PPARGC1A: variants seen among roughly 807,000 people sequenced by gnomAD.
PPARGC1A encodes PPARG coactivator 1 alpha.
In PPARGC1A, 25 loss-of-function variants were observed where a neutral mutation model predicts 88.7. The ratio of observed to expected loss-of-function variants is 0.28; its 90% CI spans 0.21 to 0.39. The LOEUF (loss-of-function observed/expected upper bound fraction) is 0.39. Ranked by LOEUF, PPARGC1A falls within the 10% of genes least tolerant of loss-of-function variation. The pLI, the probability that PPARGC1A is intolerant of heterozygous loss-of-function variation, is 1.00. For missense variants in PPARGC1A, 880 were observed against 968.7 expected (o/e 0.91, Z 1.22); for synonymous variants, 363 against 355.6 (o/e 1.02, Z -0.24).
At chr4:23,945,617 C>G in the PPARGC1A span, among the ~76,000 whole-genome samples, 1 of 152,080 alleles carries the variant, frequency 6.6e-6, no homozygotes, top group African/African-American at 2.4e-5. Flanking sequence ...GTTGAGTAAG[C>G]GGGGAGGGTG....
At chr4:24,206,927 T>C in the PPARGC1A span, among the ~76,000 whole-genome samples, 1 of 151,458 alleles carries the variant, frequency 6.6e-6, no homozygotes, top group African/African-American at 2.4e-5. Context: ...TTGATTTTTA[T>C]ATTTTTCTAT....
At chr4:23,996,142 T>G in the PPARGC1A span, among the ~76,000 whole-genome samples, 1 of 152,170 alleles carries the variant, frequency 6.6e-6, no homozygotes. Flanking sequence ...TGGCATCTCC[T>G]ACCTTTGATT....
the PPARGC1A span, among the ~76,000 whole-genome samples, chr4:24,066,772 G>C: frequency 6.6e-6 from 1 of 151,070 alleles, no homozygotes; most frequent in East Asian, 2.0e-4. Context: ...AAATATGAGA[G>C]ATTGAACTAG....
At chr4:23,977,841 AT>A in the PPARGC1A span, among the ~76,000 whole-genome samples, 1 of 152,218 alleles carries the variant, frequency 6.6e-6, no homozygotes, top group Non-Finnish European at 1.5e-5. Context: ...TTTGTCAAAA[AT>A]TTAAAGGTAA....
the PPARGC1A span, among the ~76,000 whole-genome samples, chr4:24,264,285 C>A: frequency 1.3e-5 from 2 of 152,226 alleles, no homozygotes; most frequent in South Asian, 4.2e-4. Flanking sequence ...TATGTGTACA[C>A]ACACATCACA....
At chr4:23,989,567 T>C in the PPARGC1A span, among the ~76,000 whole-genome samples, 2 of 152,050 alleles carry the variant, frequency 1.3e-5, no homozygotes, top group African/African-American at 4.8e-5. Flanking sequence ...TGTAGAAGAA[T>C]GGCATAGCTT....
chr4:23,943,129 T>G, the PPARGC1A span, among the ~76,000 whole-genome samples: 1 of 152,144 alleles, frequency 6.6e-6, no homozygotes, highest in Non-Finnish European at 1.5e-5. Context: ...TGAATTAACT[T>G]TAGTCAACCT....
chr4:24,032,090 G>A, the PPARGC1A span, among the ~76,000 whole-genome samples: 12 of 152,122 alleles, frequency 7.9e-5, no homozygotes, highest in East Asian at 5.8e-4. Flanking sequence ...ATTTAGCAGC[G>A]ATATAGATGC....
At chr4:24,090,082 C>T in the PPARGC1A span, among the ~76,000 whole-genome samples, 3 of 152,174 alleles carry the variant, frequency 2.0e-5, no homozygotes, top group Non-Finnish European at 4.4e-5. Context: ...TCTGAGTCAT[C>T]TCCTCACAGT....
chr4:23,869,307 A>G (rs1712753217), intron 2 of PPARGC1A, among the ~76,000 whole-genome samples: 1 of 152,204 alleles, frequency 6.6e-6, no homozygotes, highest in Non-Finnish European at 1.5e-5. Context: ...GATAAGCATG[A>G]GAGAAAGTAG....
chr4:23,852,629 G>A (rs186939386), intron 2 of PPARGC1A, among the ~76,000 whole-genome samples: 177 of 150,490 alleles, frequency 1.2e-3, no homozygotes, highest in African/African-American at 2.7e-3. Flanking sequence ...AGTTTTCTCC[G>A]TTTTTTTTTC....
chr4:23,983,989 C>T, the PPARGC1A span, among the ~76,000 whole-genome samples: 1 of 151,920 alleles, frequency 6.6e-6, no homozygotes, highest in African/African-American at 2.4e-5. Context: ...GTAATAACAT[C>T]TTATCACCCA....
the PPARGC1A span, among the ~76,000 whole-genome samples, chr4:24,391,246 C>A: frequency 1.3e-5 from 2 of 152,142 alleles, no homozygotes; most frequent in African/African-American, 4.8e-5. Flanking sequence ...TTCTTGCTCT[C>A]AAGCCACGTG....
At chr4:24,123,041 A>G in the PPARGC1A span, among the ~76,000 whole-genome samples, 1 of 152,158 alleles carries the variant, frequency 6.6e-6, no homozygotes, top group African/African-American at 2.4e-5. Flanking sequence ...GTGTGTGCAA[A>G]CACACGCACT....
the PPARGC1A span, among the ~76,000 whole-genome samples, chr4:24,075,180 T>C: frequency 6.6e-6 from 1 of 152,222 alleles, no homozygotes; most frequent in Non-Finnish European, 1.5e-5. Context: ...GTTTAAAATA[T>C]TCTGTATCAC....
intron 1 of PPARGC1A, among the ~76,000 whole-genome samples, chr4:23,898,366 CT>C (rs1451247144): frequency 6.6e-6 from 1 of 152,126 alleles, no homozygotes; most frequent in Non-Finnish European, 1.5e-5. Flanking sequence ...TTGATGCCAC[CT>C]AAGACCAACC....
the PPARGC1A span, among the ~76,000 whole-genome samples, chr4:24,408,587 T>C: frequency 6.6e-6 from 1 of 152,180 alleles, no homozygotes; most frequent in African/African-American, 2.4e-5. Flanking sequence ...GTCTTGAAAC[T>C]CTTGCTCCTA....
chr4:24,141,610 T>C, the PPARGC1A span, among the ~76,000 whole-genome samples: 1 of 152,208 alleles, frequency 6.6e-6, no homozygotes, highest in Non-Finnish European at 1.5e-5. Context: ...CCCCTTCCAA[T>C]GCCACAGCTA....
the PPARGC1A span, among the ~76,000 whole-genome samples, chr4:24,188,508 C>T: frequency 6.6e-6 from 1 of 152,052 alleles, no homozygotes; most frequent in Non-Finnish European, 1.5e-5. Context: ...CAGGGATGGT[C>T]CTGGGGGAAA....
Sources: gnomAD v4.1 joint callset for allele counts (sites outside exome capture counted in the v4.1 genomes callset) on GRCh38, gnomAD v4.1.1 for gene constraint, MANE v1.5 for transcripts, NCBI Gene and HGNC (gene_info 2026-07-23, HGNC 2026-07-21) for gene names.